EPB41L3: variants seen among roughly 807,000 people sequenced by gnomAD.
EPB41L3 encodes the protein band 4.1-like protein 3.
EPB41L3 carries 57 observed loss-of-function variants against 127.1 expected under a neutral mutation model. That is an observed-to-expected ratio of 0.45 (90% CI 0.36 to 0.56). EPB41L3 has a LOEUF of 0.56. Ranked by LOEUF, EPB41L3 falls within the 20% of genes least tolerant of loss-of-function variation. The pLI is 0.00. For missense variants in EPB41L3, 1,273 were observed against 1,372.2 expected (o/e 0.93, Z 1.14); for synonymous variants, 572 against 549.5 (o/e 1.04, Z -0.57).
At chr18:5,415,500 C>A (rs2076686273) in intron 13 of EPB41L3, among the ~76,000 whole-genome samples, 1 of 152,190 alleles carries the variant, frequency 6.6e-6, no homozygotes, top group Admixed American at 6.5e-5. Flanking sequence ...CTGATCAGAA[C>A]CTTTAGCTTA....
At chr18:5,605,586 T>G (rs1296530847) in intron 3 of EPB41L3, among the ~76,000 whole-genome samples, 1 of 152,002 alleles carries the variant, frequency 6.6e-6, no homozygotes, top group Non-Finnish European at 1.5e-5. Context: ...CTTTAATTTT[T>G]AGTATTTTTG....
chr18:5,451,140 A>G (rs1374448618), intron 3 of EPB41L3, among the ~76,000 whole-genome samples: 1 of 152,170 alleles, frequency 6.6e-6, no homozygotes, highest in Non-Finnish European at 1.5e-5. Context: ...CTTTTGTCAA[A>G]ACTATTTGTT....
At chr18:5,442,015 C>A (rs1228790418) in intron 5 of EPB41L3, among the ~76,000 whole-genome samples, 1 of 152,038 alleles carries the variant, frequency 6.6e-6, no homozygotes, top group Non-Finnish European at 1.5e-5. Context: ...GTTTATACAG[C>A]CTTTCCTGTC....
intron 5 of EPB41L3, among the ~76,000 whole-genome samples, chr18:5,439,683 T>A (rs912127889): frequency 6.6e-6 from 1 of 152,200 alleles, no homozygotes; most frequent in African/African-American, 2.4e-5. Flanking sequence ...CGTAATTGTT[T>A]TTCCCACTGT....
chr18:5,569,697 C>T (rs1416705805), intron 3 of EPB41L3, among the ~76,000 whole-genome samples: 4 of 152,216 alleles, frequency 2.6e-5, no homozygotes, highest in Non-Finnish European at 5.9e-5. Flanking sequence ...TCCATGCCTT[C>T]AGGTGGGTAG....
At position 5,397,962 on chromosome 18, in the gene EPB41L3, G is replaced by C. The variant is rs1375384969; in HGVS notation, c.2472+59C>G. ...AACCACACACTCACGCCCAAAAAAA[G>C]GGTAAGGAAAGGCACATGGGCACAT... On this transcript the variant is annotated intron_variant, in intron 17 of 22. Transcript: ENST00000341928. The surrounding 1 kb of genome is among the most constrained non-coding windows in gnomAD (Gnocchi z 4.1). 1.2e-6 allele frequency: 2 copies of C among 1,608,736 alleles called. No individual in the cohort carries two copies. Among genetic ancestry groups the C allele is most frequent in the Non-Finnish European group, 1.7e-6 (2 of 1,177,034 alleles).
chr18:5,560,555 T>C (rs989755932), intron 3 of EPB41L3, among the ~76,000 whole-genome samples: 1 of 152,210 alleles, frequency 6.6e-6, no homozygotes, highest in Non-Finnish European at 1.5e-5. Context: ...TTCTTCTAGA[T>C]AGGGGAATTG....
chr18:5,545,807 T>G (rs1189106775), upstream of EPB41L3, among the ~76,000 whole-genome samples: 1 of 152,054 alleles, frequency 6.6e-6, no homozygotes, highest in African/African-American at 2.4e-5. Context: ...GCATTTCCTG[T>G]CAGAAAGTGT....
At chr18:5,513,665 A>G (rs934255260) in intron 1 of EPB41L3, among the ~76,000 whole-genome samples, 1 of 152,226 alleles carries the variant, frequency 6.6e-6, no homozygotes, top group African/African-American at 2.4e-5. Flanking sequence ...TGGCTTAGTT[A>G]AGTGGTGATA....
At chr18:5,423,349 G>A in intron 11 of EPB41L3, 29 bp downstream of exon 11, 1 of 1,577,362 alleles carries the variant, frequency 6.3e-7, no homozygotes, top group Non-Finnish European at 8.6e-7. Context: ...TAGGTACTAG[G>A]TTATTAAGGG....
intron 5 of EPB41L3, among the ~76,000 whole-genome samples, chr18:5,443,276 T>G (rs1963341): frequency 6.6e-6 from 1 of 152,130 alleles, no homozygotes; most frequent in Admixed American, 6.5e-5. Flanking sequence ...TCTGAATAGG[T>G]GAAAAATGTG....
chr18:5,571,830 G>A (rs989405969), intron 3 of EPB41L3, among the ~76,000 whole-genome samples: 1 of 152,200 alleles, frequency 6.6e-6, no homozygotes, highest in African/African-American at 2.4e-5. Context: ...TTCAGTCAGA[G>A]ACTATAAGCC....
rs757891782 is a variant in EPB41L3, at chr18:5,478,316, C to G, written c.306G>C (p.Lys102Asn). 12 of 1,614,118 alleles carry G rather than the reference C, an allele frequency of 7.4e-6. No homozygotes were observed. Among genetic ancestry groups the G allele is most frequent in the Non-Finnish European group, 1.0e-5 (12 of 1,180,000 alleles). The change falls in exon 3 of 23, where the codon AAG (lysine) becomes AAC (asparagine). Residue 102 changes from lysine to asparagine, a missense_variant. Physicochemically the swap from Lys to Asn is moderately conservative, Grantham distance 94. Around this residue, in one of 3 missense-constraint regions of EPB41L3, gnomAD observed 182 missense variants for 149.2 expected, o/e 1.22. Coordinates refer to ENST00000341928, the MANE Select transcript of EPB41L3 (RefSeq NM_012307.5). ...SSSKLSRSPL[K>N]IVKKPKSMQC... ...GCATGCTTTTAGGCTTTTTGACAATCTTTAATGGAGACCGAGAGAGTTTAC... is the reference window on the plus strand; with the variant it reads ...GCATGCTTTTAGGCTTTTTGACAATGTTTAATGGAGACCGAGAGAGTTTAC...
At chr18:5,547,344 C>T (rs1195656222), upstream of EPB41L3, among the ~76,000 whole-genome samples, 1 of 152,168 alleles carries the variant, frequency 6.6e-6, no homozygotes, top group Non-Finnish European at 1.5e-5. Flanking sequence ...CCAGTAAATG[C>T]CGTTTACACA....
At chr18:5,415,785 A>T (rs777709878) in intron 13 of EPB41L3, 33 bp downstream of exon 13, 3 of 1,587,336 alleles carry the variant, frequency 1.9e-6, no homozygotes, top group Non-Finnish European at 2.6e-6. Flanking sequence ...ACGGAACACG[A>T]AGGGGAAGCG....
At chr18:5,475,524 C>T (rs553028825) in intron 3 of EPB41L3, among the ~76,000 whole-genome samples, 20 of 152,324 alleles carry the variant, frequency 1.3e-4, no homozygotes, top group South Asian at 8.3e-4. Flanking sequence ...TATGCTTCCA[C>T]GGAAACAGCC....
chr18:5,521,436 G>A (rs1387147096), intron 1 of EPB41L3: 1 of 152,218 alleles, frequency 6.6e-6, no homozygotes, highest in African/African-American at 2.4e-5. Context: ...CCAGGAATTT[G>A]TCAGGGTCAC....
At chr18:5,454,461 C>T (rs1032609625) in intron 3 of EPB41L3, among the ~76,000 whole-genome samples, 1 of 152,114 alleles carries the variant, frequency 6.6e-6, no homozygotes, top group Non-Finnish European at 1.5e-5. Flanking sequence ...TTATCCACAT[C>T]ACTACTGCCA....
intron 21 of EPB41L3, 59 bp downstream of exon 21, chr18:5,395,008 G>A (rs780091318): frequency 3.3e-6 from 5 of 1,528,764 alleles, no homozygotes; most frequent in East Asian, 2.2e-5. Flanking sequence ...TGAAACTGTA[G>A]GACCAACAGG....
Sources: gnomAD v4.1 joint callset for allele counts (sites outside exome capture counted in the v4.1 genomes callset) on GRCh38, gnomAD v4.1.1 for gene constraint, gnomAD v4.1.1 regional missense constraint, Gnocchi (gnomAD v3.1) non-coding constraint, MANE v1.5 for transcripts, NCBI Gene and HGNC (gene_info 2026-07-23, HGNC 2026-07-21) for gene names.